Variants in PLCL2 observed in about 807,000 individuals in gnomAD.
The protein encoded by PLCL2 is phospholipase C like 2, also known as inactive phospholipase C-like protein 2.
PLCL2 carries 4 observed loss-of-function variants against 79.6 expected under a neutral mutation model. The ratio of observed to expected loss-of-function variants is 0.05; its 90% CI spans 0.02 to 0.11. The LOEUF (loss-of-function observed/expected upper bound fraction) is 0.11. Ranked by LOEUF, PLCL2 falls within the 10% of genes least tolerant of loss-of-function variation. PLCL2 has a pLI of 1.00. For synonymous variants in PLCL2, 484 were observed against 457.7 expected, an observed-to-expected ratio of 1.06 and a Z score of -0.73; for missense variants, 895 against 1,291.0, an observed-to-expected ratio of 0.69 and a Z score of 4.70.
chr3:16,919,889 G>T (rs1697082995), intron 1 of PLCL2, among the ~76,000 whole-genome samples: 1 of 152,004 alleles, frequency 6.6e-6, no homozygotes, highest in African/African-American at 2.4e-5. Context: ...GTAAGCTGTG[G>T]GGTCAGAATT....
rs1451071171 is a variant in PLCL2, at chr3:17,010,888, T to A, written c.1542T>A (p.Pro514=). The change falls in exon 2 of 6, where the codon CCT becomes CCA. Residue 514 remains proline, a synonymous_variant. Coordinates refer to ENST00000615277, the MANE Select transcript of PLCL2 (RefSeq NM_001144382.2). This position sits in a 1 kb window ranked among gnomAD's most constrained non-coding sequence, Gnocchi z 5.8. The stretch of plus-strand genomic sequence containing the variant: ...ATGCATTCTTTGCTTCAGAGTATCC[T>A]CTTATCTTGTGTTTAGAAAACCACT... ...NKYAFFASEY[P]LILCLENHCS... 3 of 1,613,918 alleles carry A rather than the reference T, an allele frequency of 1.9e-6. No individual in the cohort carries two copies. Among genetic ancestry groups the A allele is most frequent in the Middle Eastern group, 1.6e-4 (1 of 6,084 alleles).
At chr3:17,089,155 G>C (rs547137318) in intron 5 of PLCL2, among the ~76,000 whole-genome samples, 1 of 152,310 alleles carries the variant, frequency 6.6e-6, no homozygotes, top group South Asian at 2.1e-4. Flanking sequence ...TGCTGGTGCA[G>C]TGCTGTGCCT....
intron 1 of PLCL2, among the ~76,000 whole-genome samples, chr3:16,954,195 G>A (rs1163194190): frequency 1.3e-5 from 2 of 152,092 alleles, no homozygotes; most frequent in Non-Finnish European, 2.9e-5. Flanking sequence ...GCCCACAACA[G>A]TCACTGGAGT....
In PLCL2 at chr3:16,990,789, C is replaced by T. The variant is rs79345159; in HGVS notation, c.328-18885C>T. ...ACTTCCCAAGGCTGCACAGTTTGAGCATTGAGTCACTCGGGGTCCAACTGG... is the reference window on the plus strand; with the variant it reads ...ACTTCCCAAGGCTGCACAGTTTGAGTATTGAGTCACTCGGGGTCCAACTGG... On this transcript the variant is annotated intron_variant, in intron 1 of 5. Transcript: ENST00000615277. Among the ~76,000 whole-genome samples the T allele has an allele frequency of 1.3e-3, 194 of 152,300 alleles. 6 individuals are homozygous for T. In the East Asian group the frequency reaches 0.035, roughly 28 times the overall value.
At chr3:17,036,467 T>C (rs751455912) in intron 3 of PLCL2, among the ~76,000 whole-genome samples, 2 of 152,218 alleles carry the variant, frequency 1.3e-5, no homozygotes, top group African/African-American at 2.4e-5. Context: ...CAAATCCCGA[T>C]GTTTTAGAAT....
chr3:17,019,196 G>C (rs770459670), intron 3 of PLCL2, among the ~76,000 whole-genome samples: 1 of 152,160 alleles, frequency 6.6e-6, no homozygotes, highest in Non-Finnish European at 1.5e-5. Flanking sequence ...AGATGAGTTC[G>C]TAGGGTGAAA....
chr3:17,049,727 A>T (rs921788691), intron 4 of PLCL2, among the ~76,000 whole-genome samples: 17 of 152,208 alleles, frequency 1.1e-4, no homozygotes, highest in African/African-American at 1.9e-4. Context: ...GGATTGGAAG[A>T]ATCAATATTG....
Position 17,035,392 on chromosome 3 carries a change from G to A in PLCL2, c.3019-7482G>A, listed in dbSNP as rs138811825. On this transcript the variant is annotated intron_variant, in intron 3 of 5. Transcript: ENST00000615277. Reference sequence around the variant, plus strand: ...GTAAAGCACTCTATAATTGTAAGGTGTGTTACAATTTTTCTTATCCTGACC... The same window carrying A: ...GTAAAGCACTCTATAATTGTAAGGTATGTTACAATTTTTCTTATCCTGACC... Among the ~76,000 whole-genome samples the A allele has an allele frequency of 2.9e-3, 430 of 147,230 alleles. 5 individuals carry two copies. The highest frequency in any genetic ancestry group is 0.01 in the African/African-American group (409 of 39,326).
At chr3:16,968,082 G>A (rs1327335295) in intron 1 of PLCL2, among the ~76,000 whole-genome samples, 1 of 152,004 alleles carries the variant, frequency 6.6e-6, no homozygotes, top group Admixed American at 6.6e-5. Context: ...TAGGTATGCA[G>A]CATTATTTCT....
intron 1 of PLCL2, among the ~76,000 whole-genome samples, chr3:16,950,739 A>G (rs2063643573): frequency 6.6e-6 from 1 of 152,068 alleles, no homozygotes; most frequent in Non-Finnish European, 1.5e-5. Flanking sequence ...CTTACCATGA[A>G]TGTGTTTTGC....
chr3:16,937,984 G>T (rs912887178), intron 1 of PLCL2, among the ~76,000 whole-genome samples: 3 of 152,156 alleles, frequency 2.0e-5, no homozygotes, highest in Non-Finnish European at 4.4e-5. Flanking sequence ...GGCAATTCAC[G>T]TGTAATTTGA....
chr3:17,034,999 GTTATTA>G (rs1357332491), intron 3 of PLCL2, among the ~76,000 whole-genome samples: 1 of 152,094 alleles, frequency 6.6e-6, no homozygotes, highest in African/African-American at 2.4e-5. Flanking sequence ...TGTCATACTA[GTTATTA>G]TTCTCTCTGC....
intron 1 of PLCL2, among the ~76,000 whole-genome samples, chr3:16,989,710 A>G (rs138491019): frequency 1.3e-5 from 2 of 152,358 alleles, no homozygotes; most frequent in East Asian, 3.9e-4. Flanking sequence ...AAGGGAAAGT[A>G]TTCATCTACC....
Position 17,090,084 on chromosome 3 carries a change from T to A in PLCL2, c.*172T>A. 7.5e-7 allele frequency: 1 copy of A among 1,325,156 alleles called. No individual in the cohort carries two copies. The allele number at this position is 1,325,156 out of a possible 1,614,324, so 82.1% of individuals were successfully genotyped here. On this transcript the variant is annotated 3_prime_UTR_variant, in exon 6 of 6. Coordinates refer to ENST00000615277, the MANE Select transcript of PLCL2 (RefSeq NM_001144382.2). ...TGAATGTATGTAGCAATCCTGCGTG[T>A]GAAGGCAAATAAACTCTTTAACAGG...
chr3:17,024,461 A>T (rs2064492108), intron 3 of PLCL2, among the ~76,000 whole-genome samples: 2 of 152,126 alleles, frequency 1.3e-5, no homozygotes, highest in South Asian at 2.1e-4. Context: ...AGCCCTTTTT[A>T]AAAAAAGTTT....
chr3:16,910,341 T>C (rs1280960682), intron 1 of PLCL2, among the ~76,000 whole-genome samples: 2 of 152,024 alleles, frequency 1.3e-5, no homozygotes, highest in East Asian at 3.9e-4. Flanking sequence ...ACCAATACCC[T>C]CCAAGTTCCT....
intron 1 of PLCL2, among the ~76,000 whole-genome samples, chr3:17,007,052 G>T (rs544574080): frequency 3.9e-5 from 6 of 152,264 alleles, no homozygotes; most frequent in Non-Finnish European, 5.9e-5. Context: ...ATATATTTTT[G>T]TAATTGTTCT....
At chr3:16,971,400 C>G (rs2063866888) in intron 1 of PLCL2, among the ~76,000 whole-genome samples, 1 of 152,262 alleles carries the variant, frequency 6.6e-6, no homozygotes, top group Admixed American at 6.5e-5. Context: ...TCTGAGGGCT[C>G]TGTTCTGTTC....
intron 1 of PLCL2, among the ~76,000 whole-genome samples, chr3:16,925,496 T>C (rs773297743): frequency 2.0e-5 from 3 of 152,216 alleles, no homozygotes; most frequent in African/African-American, 4.8e-5. Flanking sequence ...CACTATCTAA[T>C]TGCAGAACAC....
Sources: gnomAD v4.1 joint callset for allele counts (sites outside exome capture counted in the v4.1 genomes callset) on GRCh38, gnomAD v4.1.1 for gene constraint, Gnocchi (gnomAD v3.1) non-coding constraint, MANE v1.5 for transcripts, NCBI Gene and HGNC (gene_info 2026-07-23, HGNC 2026-07-21) for gene names.